Variants in ATG5 observed in about 807,000 individuals in gnomAD.
ATG5 encodes the protein autophagy protein 5.
In ATG5, 14 loss-of-function variants were observed where a neutral mutation model predicts 36.5. The observed-to-expected ratio is 0.38, with a 90% confidence interval of 0.25 to 0.60. The LOEUF (loss-of-function observed/expected upper bound fraction) is 0.60, where lower values mean the gene tolerates loss of function less well. Ranked by LOEUF, ATG5 falls within the 20% of genes least tolerant of loss-of-function variation. The pLI is 0.60. For synonymous variants in ATG5, 95 were observed against 101.5 expected, an observed-to-expected ratio of 0.94 and a Z score of 0.38; for missense variants, 195 against 326.7, an observed-to-expected ratio of 0.60 and a Z score of 3.11.
In ATG5 at chr6:106,184,579, T is replaced by C. The variant is rs1158086661; in HGVS notation, c.*1961A>G. The stretch of plus-strand genomic sequence containing the variant: ...TGAATTTCTGGTTTTACTCTTCCTC[T>C]AGGGCATTGTAGGCTTGACTTACCT... On this transcript the variant is annotated 3_prime_UTR_variant, in exon 8 of 8. Coordinates refer to ENST00000369076, the MANE Select transcript of ATG5 (RefSeq NM_004849.4). 6.6e-6 allele frequency: 1 copy of C among 152,316 alleles called. No individual in the cohort carries two copies. The highest frequency in any genetic ancestry group is 1.5e-5 in the Non-Finnish European group (1 of 68,006). 9.4% of individuals were successfully genotyped at this position (152,316 alleles called of 1,614,324 possible).
At chr6:106,242,770 C>T (rs1582599166) in intron 6 of ATG5, among the ~76,000 whole-genome samples, 1 of 152,104 alleles carries the variant, frequency 6.6e-6, no homozygotes, top group African/African-American at 2.4e-5. Context: ...AAATTAAAAG[C>T]AATAATATTC....
intron 6 of ATG5, among the ~76,000 whole-genome samples, chr6:106,235,781 C>G (rs939111828): frequency 7.3e-5 from 2 of 27,584 alleles, no homozygotes; most frequent in Non-Finnish European, 1.2e-4. Flanking sequence ...TGGGAGCTCT[C>G]TCTGTCTTCA....
intron 3 of ATG5, among the ~76,000 whole-genome samples, chr6:106,297,965 A>ATTT (rs34194209): frequency 5.2e-5 from 7 of 134,622 alleles, no homozygotes; most frequent in African/African-American, 1.6e-4. Flanking sequence ...GTCAAAATCT[A>ATTT]TTTTTTTTTT....
At chr6:106,274,594 T>G (rs1779574353) in intron 5 of ATG5, among the ~76,000 whole-genome samples, 1 of 152,138 alleles carries the variant, frequency 6.6e-6, no homozygotes, top group Non-Finnish European at 1.5e-5. Flanking sequence ...ATCTCTGACT[T>G]CACAAATTAA....
chr6:106,284,884 G>A (rs139319917), intron 4 of ATG5, among the ~76,000 whole-genome samples: 54 of 151,802 alleles, frequency 3.6e-4, no homozygotes, highest in Middle Eastern at 3.4e-3. Context: ...TCCATATTCC[G>A]TATATTAAAC....
chr6:106,294,405 T>C (rs988166565), intron 3 of ATG5, among the ~76,000 whole-genome samples: 1 of 151,714 alleles, frequency 6.6e-6, no homozygotes. Context: ...CATTTGCTTA[T>C]ATATATAAAC....
rs192494998 is a variant in ATG5, at chr6:106,293,812, A to C, written c.237-706T>G. On this transcript the variant is annotated intron_variant, in intron 3 of 7. Transcript: ENST00000369076. The stretch of plus-strand genomic sequence containing the variant: ...ACTTAGCAATAAATAAACATGACTA[A>C]TACAAATGTTGTAGATTTCAATGGA... 4.4e-3 allele frequency among the ~76,000 whole-genome samples: 668 copies of C among 152,334 alleles called. 4 individuals are homozygous for C. The highest frequency in any genetic ancestry group is 6.8e-3 in the Middle Eastern group (2 of 294).
At chr6:106,302,840 C>T (rs1035825693) in intron 3 of ATG5, among the ~76,000 whole-genome samples, 3 of 151,646 alleles carry the variant, frequency 2.0e-5, no homozygotes, top group East Asian at 1.9e-4. Context: ...TACACAGACC[C>T]GAATGAAAAC....
chr6:106,231,279 T>G (rs926939059), intron 6 of ATG5, among the ~76,000 whole-genome samples: 1 of 152,204 alleles, frequency 6.6e-6, no homozygotes, highest in African/African-American at 2.4e-5. Context: ...TATGGAGAGA[T>G]ATAATGTTAC....
At chr6:106,243,754 C>T (rs1034649567) in intron 6 of ATG5, among the ~76,000 whole-genome samples, 7 of 151,866 alleles carry the variant, frequency 4.6e-5, no homozygotes, top group South Asian at 4.2e-4. Flanking sequence ...TCGCCTGAAC[C>T]CAAGAGGCGG....
At chr6:106,268,071 G>T (rs1779295587) in intron 5 of ATG5, among the ~76,000 whole-genome samples, 2 of 152,020 alleles carry the variant, frequency 1.3e-5, no homozygotes, top group African/African-American at 4.8e-5. Context: ...CACAGCAAAA[G>T]AAACTATCAT....
At chr6:106,228,768 G>T (rs547515611) in intron 6 of ATG5, among the ~76,000 whole-genome samples, 1 of 152,104 alleles carries the variant, frequency 6.6e-6, no homozygotes, top group African/African-American at 2.4e-5. Context: ...GGCACCTGTC[G>T]GCCGGTTAAA....
At chr6:106,308,041 T>C (rs533994656) in intron 3 of ATG5, among the ~76,000 whole-genome samples, 2 of 147,190 alleles carry the variant, frequency 1.4e-5, no homozygotes, top group East Asian at 1.9e-4. Context: ...AGAAATAAAA[T>C]TGAATAATGT....
intron 6 of ATG5, among the ~76,000 whole-genome samples, chr6:106,234,456 C>G (rs1037594604): frequency 1.3e-5 from 2 of 152,182 alleles, no homozygotes; most frequent in African/African-American, 4.8e-5. Flanking sequence ...CTGGAAATAA[C>G]CCATACCTCA....
chr6:106,269,021 A>G (rs1253098496), intron 5 of ATG5, among the ~76,000 whole-genome samples: 5 of 152,208 alleles, frequency 3.3e-5, no homozygotes, highest in Admixed American at 6.5e-5. Flanking sequence ...CCTTCTGCAC[A>G]TGTATCCTAG....
At chr6:106,276,186 C>T (rs899747449) in intron 5 of ATG5, among the ~76,000 whole-genome samples, 16 of 152,274 alleles carry the variant, frequency 1.1e-4, no homozygotes, top group South Asian at 6.2e-4. Flanking sequence ...GAAACTGGGC[C>T]GGGCGCGGTG....
At chr6:106,193,888 T>A (rs1291300915) in intron 7 of ATG5, among the ~76,000 whole-genome samples, 1 of 152,212 alleles carries the variant, frequency 6.6e-6, no homozygotes, top group African/African-American at 2.4e-5. Flanking sequence ...GCATATACTA[T>A]TATTTTGGTA....
intron 5 of ATG5, among the ~76,000 whole-genome samples, chr6:106,260,684 C>T (rs1778984177): frequency 6.6e-6 from 1 of 152,104 alleles, no homozygotes; most frequent in Non-Finnish European, 1.5e-5. Context: ...GTGATTTTCA[C>T]ATAAAAGGAT....
intron 6 of ATG5, among the ~76,000 whole-genome samples, chr6:106,217,801 A>G (rs1316844653): frequency 6.6e-6 from 1 of 152,206 alleles, no homozygotes; most frequent in Non-Finnish European, 1.5e-5. Context: ...AAAAAATTCA[A>G]AATTTTGGAA....
Sources: gnomAD v4.1 joint callset for allele counts (sites outside exome capture counted in the v4.1 genomes callset) on GRCh38, gnomAD v4.1.1 for gene constraint, MANE v1.5 for transcripts, NCBI Gene and HGNC (gene_info 2026-07-23, HGNC 2026-07-21) for gene names.